SDHAF3: variants seen among roughly 807,000 people sequenced by gnomAD.
SDHAF3 encodes the protein succinate dehydrogenase complex assembly factor 3, also known as succinate dehydrogenase assembly factor 3, mitochondrial.
Under a neutral mutation model 11.5 loss-of-function variants are expected in SDHAF3, and 18 were observed. The ratio of observed to expected loss-of-function variants is 1.56; its 90% CI spans 1.08 to 2.32. The LOEUF is 2.32. Among genes scored for constraint, SDHAF3 ranks in the 30% most tolerant of loss-of-function variants. SDHAF3 has a pLI of 0.00. For missense variants in SDHAF3, 200 were observed against 154.4 expected (o/e 1.30, Z -1.57); for synonymous variants, 72 against 59.3 (o/e 1.21, Z -0.99).
chr7:97,176,707 A>G (rs1196864122), intron 1 of SDHAF3, among the ~76,000 whole-genome samples: 1 of 152,098 alleles, frequency 6.6e-6, no homozygotes, highest in Non-Finnish European at 1.5e-5. Context: ...ATGTTCATTC[A>G]TTGATCATTT....
chr7:97,147,297 A>G (rs1386653447), intron 1 of SDHAF3, among the ~76,000 whole-genome samples: 2 of 152,238 alleles, frequency 1.3e-5, no homozygotes, highest in Non-Finnish European at 2.9e-5. Flanking sequence ...GAATTTCAAA[A>G]TTAGATCTTG....
intron 1 of SDHAF3, among the ~76,000 whole-genome samples, chr7:97,141,659 A>T (rs1562823431): frequency 6.6e-6 from 1 of 152,018 alleles, no homozygotes; most frequent in African/African-American, 2.4e-5. Context: ...ACACCTGGCA[A>T]TTTTTTTGTA....
chr7:97,181,159 G>A lies in SDHAF3; in HGVS notation c.322G>A (p.Ala108Thr), dbSNP rs1218849030. Reference protein sequence around the residue: ...IGQLQELMQEATKPNRQFSIS... With the variant: ...IGQLQELMQETTKPNRQFSIS... Reference sequence around the variant, plus strand: ...ACAGTTGCAGGAGCTGATGCAAGAAGCCACAAAACCCAATAGGCAATTTAG... The same window carrying A: ...ACAGTTGCAGGAGCTGATGCAAGAAACCACAAAACCCAATAGGCAATTTAG... The change falls in exon 2 of 2, where the codon GCC becomes ACC. Residue 108 changes from alanine to threonine, a missense_variant. By Grantham distance (58) the Ala-to-Thr change is moderately conservative. Transcript: ENST00000432641. 6.2e-7 allele frequency: 1 copy of A among 1,613,924 alleles called. No individual in the cohort carries two copies. Among genetic ancestry groups the A allele is most frequent in the Non-Finnish European group, 8.5e-7 (1 of 1,179,918 alleles).
At position 97,163,869 on chromosome 7, in the gene SDHAF3, A is replaced by T. The variant is rs183600093; in HGVS notation, c.175-17143A>T. Among the ~76,000 whole-genome samples the T allele has an allele frequency of 4.3e-3, 654 of 151,526 alleles. 2 individuals carry two copies. The highest frequency in any genetic ancestry group is 0.021 in the Middle Eastern group (6 of 284). Reference sequence around the variant, plus strand: ...CCTGGTGGTGACAAAATCTCTCAGCATTTGGTTGTCTGTAAGGATTTTATT... The same window carrying T: ...CCTGGTGGTGACAAAATCTCTCAGCTTTTGGTTGTCTGTAAGGATTTTATT... On this transcript the variant is annotated intron_variant, in intron 1 of 1. Coordinates refer to ENST00000432641, the MANE Select transcript of SDHAF3 (RefSeq NM_020186.3).
intron 1 of SDHAF3, among the ~76,000 whole-genome samples, chr7:97,124,420 G>A (rs151163103): frequency 1.4e-4 from 22 of 152,252 alleles, no homozygotes; most frequent in African/African-American, 4.8e-4. Context: ...TTTGAAGTCA[G>A]GTAGCGTGAT....
At chr7:97,170,292 AT>A (rs1789586402) in intron 1 of SDHAF3, among the ~76,000 whole-genome samples, 1 of 152,220 alleles carries the variant, frequency 6.6e-6, no homozygotes, top group Non-Finnish European at 1.5e-5. Context: ...TTACTAAAGA[AT>A]AAATTAAAGG....
Position 97,117,870 on chromosome 7 carries a change from G to A in SDHAF3, c.147G>A (p.Glu49=), listed in dbSNP as rs1562817713. The A allele has an allele frequency of 6.2e-7, 1 of 1,614,194 alleles. No homozygotes were observed. Among genetic ancestry groups the A allele is most frequent in the Non-Finnish European group, 8.5e-7 (1 of 1,180,016 alleles). The part of the protein sequence containing the change: ...FRRHKTVGSD[E]AQRFLQEWEV... ...GACATAAGACCGTTGGTTCTGACGA[G>A]GCACAGCGTTTCTTGCAAGAATGGG... The change falls in exon 1 of 2, where the codon GAG becomes GAA. Residue 49 remains glutamate (E), a synonymous_variant. Transcript: ENST00000432641.
intron 1 of SDHAF3, among the ~76,000 whole-genome samples, chr7:97,166,506 A>T (rs6976184): frequency 0.58 from 87,494 of 151,632 alleles, 25,641 homozygotes; most frequent in Non-Finnish European, 0.63. Flanking sequence ...GGTTCTTGTT[A>T]TGCAGATGAA....
At chr7:97,174,287 C>G (rs1286032620) in intron 1 of SDHAF3, among the ~76,000 whole-genome samples, 1 of 152,176 alleles carries the variant, frequency 6.6e-6, no homozygotes, top group Non-Finnish European at 1.5e-5. Context: ...TTGTTAAGCT[C>G]TTTGAGTTAA....
At chr7:97,140,319 G>T (rs752545152) in intron 1 of SDHAF3, among the ~76,000 whole-genome samples, 5 of 145,464 alleles carry the variant, frequency 3.4e-5, no homozygotes, top group Non-Finnish European at 4.5e-5. Flanking sequence ...TTTCCCTCAA[G>T]TTGTATTTTT....
Position 97,130,896 on chromosome 7 carries a change from G to GA in SDHAF3, c.174+13005dup, listed in dbSNP as rs1423590380. Among the ~76,000 whole-genome samples the GA allele has an allele frequency of 4.6e-5, 7 of 152,280 alleles. No individual in the cohort carries two copies. The East Asian group carries it at 5.8e-4, about 13-fold the overall frequency. ...GCTGATTGGTCCATGGGCAGGCCTG[G>GA]AAAAAACACCATTTGATTGGCTGAA... On this transcript the variant is annotated intron_variant, in intron 1 of 1. Coordinates refer to ENST00000432641, the MANE Select transcript of SDHAF3 (RefSeq NM_020186.3).
intron 1 of SDHAF3, among the ~76,000 whole-genome samples, chr7:97,128,257 T>A (rs1043702789): frequency 6.6e-6 from 1 of 152,214 alleles, no homozygotes; most frequent in Non-Finnish European, 1.5e-5. Flanking sequence ...AGTTTATCCT[T>A]GCAACATAGA....
intron 1 of SDHAF3, among the ~76,000 whole-genome samples, chr7:97,155,817 A>G (rs1262705471): frequency 1.3e-5 from 2 of 152,028 alleles, no homozygotes; most frequent in Non-Finnish European, 2.9e-5. Context: ...TATATATTAT[A>G]AATTCTGAAC....
At chr7:97,145,680 T>C (rs1162836001) in intron 1 of SDHAF3, among the ~76,000 whole-genome samples, 2 of 152,240 alleles carry the variant, frequency 1.3e-5, no homozygotes. Flanking sequence ...GAATTTTGAA[T>C]GACCACTTCA....
intron 1 of SDHAF3, among the ~76,000 whole-genome samples, chr7:97,160,839 ACTTTT>A (rs746175509): frequency 1.4e-4 from 22 of 152,252 alleles, no homozygotes; most frequent in Non-Finnish European, 2.5e-4. Flanking sequence ...GCACAATAAG[ACTTTT>A]CTTTTTCTTT....
intron 1 of SDHAF3, among the ~76,000 whole-genome samples, chr7:97,172,550 G>A (rs574340805): frequency 9.2e-5 from 14 of 152,172 alleles, no homozygotes; most frequent in South Asian, 8.3e-4. Flanking sequence ...TATTGAACCA[G>A]TCAGTCTCAA....
At chr7:97,118,299 C>A (rs752569378) in intron 1 of SDHAF3, among the ~76,000 whole-genome samples, 4 of 152,096 alleles carry the variant, frequency 2.6e-5, no homozygotes, top group Non-Finnish European at 5.9e-5. Flanking sequence ...GGCTTATTTC[C>A]GTAATTTATT....
intron 1 of SDHAF3, among the ~76,000 whole-genome samples, chr7:97,158,609 C>T (rs1423801323): frequency 6.6e-6 from 1 of 152,156 alleles, no homozygotes; most frequent in Non-Finnish European, 1.5e-5. Context: ...CAGATGTGAG[C>T]CACTGCACCC....
chr7:97,153,679 GT>G (rs1789259087), intron 1 of SDHAF3, among the ~76,000 whole-genome samples: 1 of 152,064 alleles, frequency 6.6e-6, no homozygotes, highest in Admixed American at 6.6e-5. Flanking sequence ...GTGAATGAGA[GT>G]TTCTGTAGCA....
Sources: gnomAD v4.1 joint callset for allele counts (sites outside exome capture counted in the v4.1 genomes callset) on GRCh38, gnomAD v4.1.1 for gene constraint, MANE v1.5 for transcripts, NCBI Gene and HGNC (gene_info 2026-07-23, HGNC 2026-07-21) for gene names.